Variants in COL21A1 observed in about 807,000 individuals in gnomAD.
COL21A1 encodes collagen type XXI alpha 1 chain.
In COL21A1, 149 loss-of-function variants were observed where a neutral mutation model predicts 137.9. That is an observed-to-expected ratio of 1.08 (90% confidence interval 0.95 to 1.24). The LOEUF (loss-of-function observed/expected upper bound fraction) is 1.24. Ranked by LOEUF, COL21A1 falls within the 50% of genes most tolerant of loss-of-function variation. The probability of loss-of-function intolerance (pLI) is 0.00; values close to 1 mark genes in which losing one functional copy is unlikely to be tolerated. For synonymous variants in COL21A1, 456 were observed against 391.5 expected (o/e 1.16, Z -1.95); for missense variants, 1,167 against 1,158.4 (o/e 1.01, Z -0.11).
At chr6:56,180,873 T>C (rs1482300676) in intron 2 of COL21A1, among the ~76,000 whole-genome samples, 1 of 152,200 alleles carries the variant, frequency 6.6e-6, no homozygotes, top group Non-Finnish European at 1.5e-5. Context: ...TCCAAACTAT[T>C]GGAATTGCCC....
chr6:56,312,471 A>T (rs1372643811), intron 1 of COL21A1, among the ~76,000 whole-genome samples: 1 of 152,164 alleles, frequency 6.6e-6, no homozygotes, highest in Non-Finnish European at 1.5e-5. Context: ...GGGAATGATG[A>T]GGTTTGAGTA....
At chr6:56,160,515 A>G in intron 9 of COL21A1, among the ~76,000 whole-genome samples, 1 of 151,920 alleles carries the variant, frequency 6.6e-6, no homozygotes, top group East Asian at 1.9e-4. Flanking sequence ...TTTAATATGG[A>G]AAAAAAAATT....
At chr6:56,299,512 C>G (rs1020366534) in intron 1 of COL21A1, among the ~76,000 whole-genome samples, 1 of 152,002 alleles carries the variant, frequency 6.6e-6, no homozygotes, top group African/African-American at 2.4e-5. Flanking sequence ...AGCCCAACCA[C>G]CTTAATAATG....
chr6:56,365,848 T>C (rs1766086259), intron 1 of COL21A1, among the ~76,000 whole-genome samples: 1 of 152,208 alleles, frequency 6.6e-6, no homozygotes, highest in African/African-American at 2.4e-5. Flanking sequence ...CAAGCCTGTT[T>C]TCCTTTCACT....
In COL21A1 at chr6:56,060,039, G is replaced by A; in HGVS notation, c.2587C>T (p.Pro863Ser). Residue 863 changes from proline (P) to serine (S), a missense_variant, in exon 28 of 30, where the codon CCA becomes TCA. Physicochemically the swap from Pro to Ser is moderately conservative, Grantham distance 74. Coordinates refer to ENST00000244728, the MANE Select transcript of COL21A1 (RefSeq NM_030820.4). The stretch of plus-strand genomic sequence containing the variant: ...ATACCTTTTAATCCTCTGACACCTG[G>A]ACGTCCAGGGACACCCACTAATCCA... ...VPGLVGVPGR[P>S]GVRGLKGLPG... 6.3e-7 allele frequency: 1 copy of A among 1,598,996 alleles called. No individual in the cohort carries two copies.
intron 1 of COL21A1, among the ~76,000 whole-genome samples, chr6:56,354,653 G>A (rs919305842): frequency 2.2e-4 from 33 of 152,266 alleles, no homozygotes; most frequent in Admixed American, 3.9e-4. Context: ...AGGCCAAAGT[G>A]GGAGGACTAC....
intron 21 of COL21A1, among the ~76,000 whole-genome samples, chr6:56,069,447 T>G (rs903934538): frequency 6.6e-6 from 1 of 151,266 alleles, no homozygotes; most frequent in Admixed American, 6.6e-5. Context: ...ATCTCTTTTT[T>G]GTTTACCTAT....
chr6:56,070,657 A>T lies in COL21A1; in HGVS notation c.2019+88T>A, dbSNP rs144747384. 2.1e-4 allele frequency: 185 copies of T among 867,354 alleles called. No homozygotes were observed. The East Asian group carries it at 4.9e-3, about 23-fold the overall frequency. 53.7% of individuals were successfully genotyped at this position (867,354 alleles called of 1,614,324 possible). ...AATCCTTAACTTCATGTATCTCTTC[A>T]GAGATATAAAATGTTAATTTTCTTA... On this transcript the variant is annotated intron_variant, in intron 21 of 29. Transcript: ENST00000244728.
At chr6:56,069,933 G>A (rs1308424945) in intron 21 of COL21A1, among the ~76,000 whole-genome samples, 1 of 151,286 alleles carries the variant, frequency 6.6e-6, no homozygotes, top group East Asian at 1.9e-4. Context: ...AAATTCTTGA[G>A]CTATTTTTCA....
intron 1 of COL21A1, among the ~76,000 whole-genome samples, chr6:56,380,742 C>A (rs2094007418): frequency 6.6e-6 from 1 of 152,118 alleles, no homozygotes; most frequent in South Asian, 2.1e-4. Flanking sequence ...TTGAAAATGG[C>A]CCCTAAATGT....
chr6:56,238,626 C>T (rs1411374539), intron 1 of COL21A1, among the ~76,000 whole-genome samples: 1 of 152,060 alleles, frequency 6.6e-6, no homozygotes, highest in South Asian at 2.1e-4. Context: ...CAAAGCTTTA[C>T]CTCAAAAGCT....
chr6:56,059,258 C>T lies in COL21A1; in HGVS notation c.2609-16G>A. The T allele has an allele frequency of 6.4e-7, 1 of 1,565,642 alleles. No individual in the cohort carries two copies. The highest frequency in any genetic ancestry group is 8.6e-7 in the Non-Finnish European group (1 of 1,156,678). On this transcript the variant is annotated splice_polypyrimidine_tract_variant and intron_variant, in intron 28 of 29. Transcript: ENST00000244728. ...CCTGGTAGGCCTGCAGGGTGTCAAACATCTGAGTAAGTTTACTTAAAATCA... is the reference window on the plus strand; with the variant it reads ...CCTGGTAGGCCTGCAGGGTGTCAAATATCTGAGTAAGTTTACTTAAAATCA...
chr6:56,127,198 C>A (rs1003253543), intron 12 of COL21A1, among the ~76,000 whole-genome samples: 1 of 152,212 alleles, frequency 6.6e-6, no homozygotes. Context: ...CCCCTTAATC[C>A]TCAATTACAG....
At chr6:56,238,772 A>C (rs1297343633) in intron 1 of COL21A1, among the ~76,000 whole-genome samples, 1 of 152,176 alleles carries the variant, frequency 6.6e-6, no homozygotes, top group African/African-American at 2.4e-5. Context: ...AGTTACATGA[A>C]GAATATTCTC....
chr6:56,099,755 A>G (rs900062385), intron 17 of COL21A1, among the ~76,000 whole-genome samples: 1 of 152,102 alleles, frequency 6.6e-6, no homozygotes, highest in East Asian at 1.9e-4. Context: ...TCTTATATCC[A>G]GTTACCAAGT....
At chr6:56,340,994 T>C (rs554266685) in intron 1 of COL21A1, among the ~76,000 whole-genome samples, 3 of 152,262 alleles carry the variant, frequency 2.0e-5, no homozygotes, top group Admixed American at 1.3e-4. Flanking sequence ...GGCACTTTCA[T>C]GGGTGTGTGA....
At chr6:56,059,287 C>T (rs2114022652) in intron 28 of COL21A1, 45 bp from the exon 29 acceptor site, 1 of 1,322,948 alleles carries the variant, frequency 7.6e-7, no homozygotes, top group Admixed American at 2.4e-5. Context: ...AAAATCACTG[C>T]CTTCTAGATT....
intron 12 of COL21A1, among the ~76,000 whole-genome samples, chr6:56,139,255 T>A (rs4715580): frequency 6.6e-6 from 1 of 151,872 alleles, no homozygotes; most frequent in South Asian, 2.1e-4. Context: ...CACCAATTTA[T>A]AGCATTTAAT....
intron 5 of COL21A1, among the ~76,000 whole-genome samples, chr6:56,170,084 T>C (rs1428371062): frequency 6.6e-6 from 1 of 151,936 alleles, no homozygotes; most frequent in African/African-American, 2.4e-5. Flanking sequence ...AAATAAACTT[T>C]TTCAAGTTTG....
Sources: gnomAD v4.1 joint callset for allele counts (sites outside exome capture counted in the v4.1 genomes callset) on GRCh38, gnomAD v4.1.1 for gene constraint, MANE v1.5 for transcripts, NCBI Gene and HGNC (gene_info 2026-07-23, HGNC 2026-07-21) for gene names.